Variants in DIP2C observed in about 807,000 individuals in gnomAD.
The protein encoded by DIP2C is disco-interacting protein 2 homolog C.
In DIP2C, 33 loss-of-function variants were observed where a neutral mutation model predicts 192.4. The observed-to-expected ratio is 0.17, with a 90% confidence interval of 0.13 to 0.23. The LOEUF (loss-of-function observed/expected upper bound fraction) is 0.23, where lower values mean the gene tolerates loss of function less well. Ranked by LOEUF, DIP2C falls within the 10% of genes least tolerant of loss-of-function variation. DIP2C has a pLI of 1.00. For missense variants in DIP2C, 1,537 were observed against 2,110.1 expected (o/e 0.73, Z 5.32); for synonymous variants, 979 against 864.1 (o/e 1.13, Z -2.33).
chr10:527,843 T>C (rs1488244079), intron 1 of DIP2C, among the ~76,000 whole-genome samples: 2 of 152,218 alleles, frequency 1.3e-5, no homozygotes, highest in Non-Finnish European at 2.9e-5. Flanking sequence ...CAGCCATCCT[T>C]CCCGTCCCTG....
intron 1 of DIP2C, among the ~76,000 whole-genome samples, chr10:497,997 G>A (rs1224349370): frequency 2.0e-5 from 3 of 152,152 alleles, no homozygotes; most frequent in South Asian, 4.2e-4. Flanking sequence ...TCAGCCTTCT[G>A]GGTAGCTGGG....
intron 1 of DIP2C, among the ~76,000 whole-genome samples, chr10:492,716 G>T (rs1203870083): frequency 6.6e-6 from 1 of 152,106 alleles, no homozygotes; most frequent in Non-Finnish European, 1.5e-5. Flanking sequence ...AGGTGGACAA[G>T]GTCACTTAGA....
At chr10:377,238 C>T (rs539341428) in intron 17 of DIP2C, among the ~76,000 whole-genome samples, 1 of 150,898 alleles carries the variant, frequency 6.6e-6, no homozygotes. Context: ...TTTACAAACT[C>T]TTTCTCATAA....
chr10:595,109 G>A (rs1231815893), intron 1 of DIP2C, among the ~76,000 whole-genome samples: 3 of 152,196 alleles, frequency 2.0e-5, no homozygotes, highest in African/African-American at 7.2e-5. Flanking sequence ...GGGACAAGAG[G>A]TAAAATGGCA....
intron 1 of DIP2C, 55 bp from the exon 2 acceptor site, chr10:486,585 A>G: frequency 6.9e-7 from 1 of 1,440,734 alleles, no homozygotes; most frequent in Non-Finnish European, 9.4e-7. Flanking sequence ...GAGCATTATC[A>G]TTCAACGGTG....
chr10:400,325 A>G (rs994156145), intron 9 of DIP2C, among the ~76,000 whole-genome samples: 6 of 151,688 alleles, frequency 4.0e-5, no homozygotes, highest in African/African-American at 1.5e-4. Context: ...TTGCCTGGCC[A>G]GTATGTTTTC....
Position 422,878 on chromosome 10 carries a change from C to A in DIP2C, c.550G>T (p.Gly184Trp). 6.2e-7 allele frequency: 1 copy of A among 1,613,538 alleles called. No homozygotes were observed. Among genetic ancestry groups the A allele is most frequent in the Non-Finnish European group, 8.5e-7 (1 of 1,180,024 alleles). Residue 184 changes from glycine (G) to tryptophan (W), a missense_variant, in exon 5 of 37, where the codon GGG becomes TGG. Gly to Trp is a radical substitution (Grantham distance 184). Coordinates refer to ENST00000280886, the MANE Select transcript of DIP2C (RefSeq NM_014974.3). ...STTSSSSTQSGGSGAAHRLAD... is the reference protein window; with the variant it reads ...STTSSSSTQSWGSGAAHRLAD... The stretch of plus-strand genomic sequence containing the variant: ...AGCCTGTGGGCAGCCCCGCTGCCCC[C>A]GCTCTGCGTAGAGGACGAGGAGGTG...
At chr10:671,049 C>T (rs1273146561) in intron 1 of DIP2C, among the ~76,000 whole-genome samples, 1 of 152,234 alleles carries the variant, frequency 6.6e-6, no homozygotes, top group Non-Finnish European at 1.5e-5. Flanking sequence ...GAGGCCGCTT[C>T]AGGAAGAGCT....
intron 1 of DIP2C, among the ~76,000 whole-genome samples, chr10:619,594 T>C (rs1390940813): frequency 7.9e-6 from 1 of 126,214 alleles, no homozygotes; most frequent in Admixed American, 8.7e-5. Context: ...TAGATTCCAC[T>C]TTAACTAGTG....
intron 1 of DIP2C, among the ~76,000 whole-genome samples, chr10:639,630 C>T (rs1855052488): frequency 6.6e-6 from 1 of 152,262 alleles, no homozygotes; most frequent in Non-Finnish European, 1.5e-5. Context: ...GCATGGCAAG[C>T]TCGCCTTGGA....
At chr10:522,500 T>G (rs1846776213) in intron 1 of DIP2C, among the ~76,000 whole-genome samples, 1 of 152,252 alleles carries the variant, frequency 6.6e-6, no homozygotes, top group Admixed American at 6.5e-5. Flanking sequence ...CCACAGCAGC[T>G]GCCCCACTTT....
chr10:638,598 T>G (rs1449774863), intron 1 of DIP2C, among the ~76,000 whole-genome samples: 1 of 152,206 alleles, frequency 6.6e-6, no homozygotes, highest in Non-Finnish European at 1.5e-5. Context: ...CACTATCACC[T>G]AGAACTTGAC....
At chr10:427,354 G>C (rs1966659058) in intron 4 of DIP2C, among the ~76,000 whole-genome samples, 1 of 152,178 alleles carries the variant, frequency 6.6e-6, no homozygotes, top group African/African-American at 2.4e-5. Context: ...CCCATATCAA[G>C]ATCTCTATAT....
intron 30 of DIP2C, among the ~76,000 whole-genome samples, chr10:328,001 G>A (rs529003452): frequency 5.8e-4 from 89 of 152,318 alleles, no homozygotes; most frequent in Non-Finnish European, 9.0e-4. Context: ...ATGTGAAGGC[G>A]AGCCGTGAAT....
At chr10:396,617 CT>C (rs1964004049) in intron 10 of DIP2C, among the ~76,000 whole-genome samples, 1 of 152,148 alleles carries the variant, frequency 6.6e-6, no homozygotes, top group Non-Finnish European at 1.5e-5. Context: ...TGAACATCAG[CT>C]GAAGAGAAGC....
intron 1 of DIP2C, among the ~76,000 whole-genome samples, chr10:584,185 A>G (rs1425450207): frequency 6.6e-6 from 1 of 152,222 alleles, no homozygotes; most frequent in Non-Finnish European, 1.5e-5. Flanking sequence ...AACTATGCAG[A>G]CAGGAAAAGA....
At chr10:287,916 G>A (rs1490768576) in intron 33 of DIP2C, among the ~76,000 whole-genome samples, 1 of 152,144 alleles carries the variant, frequency 6.6e-6, no homozygotes, top group Admixed American at 6.5e-5. Context: ...GCTAGGTGTG[G>A]CCATGTGACC....
intron 8 of DIP2C, among the ~76,000 whole-genome samples, chr10:410,766 G>A (rs1965131080): frequency 6.6e-6 from 1 of 152,198 alleles, no homozygotes; most frequent in South Asian, 2.1e-4. Context: ...ACACAAGCTA[G>A]TTAACAATAG....
In DIP2C at chr10:636,205, G is replaced by A. The variant is rs181893894; in HGVS notation, c.85+53289C>T. ...CAAGTCGACAGAACACCAACGGCTCGTCGGCTCGTCGGCTCTTCCCGGCTG... is the reference window on the plus strand; with the variant it reads ...CAAGTCGACAGAACACCAACGGCTCATCGGCTCGTCGGCTCTTCCCGGCTG... On this transcript the variant is annotated intron_variant, in intron 1 of 36. Coordinates refer to ENST00000280886, the MANE Select transcript of DIP2C (RefSeq NM_014974.3). This position sits in a 1 kb window ranked among gnomAD's most constrained non-coding sequence, Gnocchi z 4.6. Among the ~76,000 whole-genome samples, 141 of 152,306 alleles carry A rather than the reference G, an allele frequency of 9.3e-4. No individual in the cohort carries two copies. Among genetic ancestry groups the A allele is most frequent in the Middle Eastern group, 3.4e-3 (1 of 294 alleles).
Sources: gnomAD v4.1 joint callset for allele counts (sites outside exome capture counted in the v4.1 genomes callset) on GRCh38, gnomAD v4.1.1 for gene constraint, Gnocchi (gnomAD v3.1) non-coding constraint, MANE v1.5 for transcripts, NCBI Gene and HGNC (gene_info 2026-07-23, HGNC 2026-07-21) for gene names.